The following MATN2 variants were observed in gnomAD, a reference collection of about 807,000 sequenced individuals.
The protein encoded by MATN2 is matrilin-2.
A neutral mutation model predicts 103.2 loss-of-function variants in MATN2; 69 were observed. That is an observed-to-expected ratio of 0.67 (90% CI 0.55 to 0.82). The LOEUF is 0.82. Among genes scored for constraint, MATN2 ranks in the 40% least tolerant of loss-of-function variants. The pLI, the probability that MATN2 is intolerant of heterozygous loss-of-function variation, is 0.00. For missense variants in MATN2, 1,023 were observed against 1,211.5 expected (o/e 0.84, Z 2.31); for synonymous variants, 429 against 450.2 (o/e 0.95, Z 0.60).
chr8:97,939,942 AATGTATATAGGATGAACCTACAG>A (rs988073823), intron 3 of MATN2, among the ~76,000 whole-genome samples: 26 of 152,322 alleles, frequency 1.7e-4, no homozygotes, highest in Non-Finnish European at 3.1e-4. Context: ...GGTGAAGGTC[AATGTATATAGGATGAACCTACAG>A]ATGTAAAATA....
intron 6 of MATN2, among the ~76,000 whole-genome samples, chr8:97,988,152 CA>C (rs869146483): frequency 0.013 from 845 of 65,818 alleles, 10 homozygotes; most frequent in Non-Finnish European, 0.014. Flanking sequence ...CCATCTCCAC[CA>C]AAAAAAAAAA....
intron 2 of MATN2, among the ~76,000 whole-genome samples, chr8:97,909,729 C>T (rs940039813): frequency 4.6e-5 from 7 of 151,356 alleles, no homozygotes; most frequent in Non-Finnish European, 8.8e-5. Context: ...ATTGAAACAG[C>T]TTAGGATTTT....
intron 2 of MATN2, among the ~76,000 whole-genome samples, chr8:97,910,639 C>A (rs545727214): frequency 6.6e-6 from 1 of 152,316 alleles, no homozygotes; most frequent in East Asian, 1.9e-4. Context: ...TAAAGGCATG[C>A]AGGTTGTACT....
chr8:97,875,504 C>T (rs981420197), intron 1 of MATN2, among the ~76,000 whole-genome samples: 2 of 151,114 alleles, frequency 1.3e-5, no homozygotes, highest in Non-Finnish European at 1.5e-5. Context: ...TGAGCACTCT[C>T]CACTGTCATG....
chr8:97,924,964 C>T (rs1000206783), intron 2 of MATN2, among the ~76,000 whole-genome samples: 1 of 152,238 alleles, frequency 6.6e-6, no homozygotes, highest in African/African-American at 2.4e-5. Context: ...ATCCCAGCTC[C>T]TCTACTTCCT....
At chr8:97,999,813 T>G (rs1039628933) in intron 7 of MATN2, among the ~76,000 whole-genome samples, 1 of 151,568 alleles carries the variant, frequency 6.6e-6, no homozygotes, top group Non-Finnish European at 1.5e-5. Flanking sequence ...ACTCTGGGCA[T>G]GAAGCAAGCT....
chr8:97,991,383 A>AGCTGGGACTACAGGCAGGT (rs1341716216), intron 6 of MATN2, among the ~76,000 whole-genome samples: 1 of 152,184 alleles, frequency 6.6e-6, no homozygotes, highest in Non-Finnish European at 1.5e-5. Flanking sequence ...CCTCCCTAGT[A>AGCTGGGACTACAGGCAGGT]GCTGGGACTA....
chr8:97,974,879 G>A (rs980591435), intron 5 of MATN2, among the ~76,000 whole-genome samples: 1 of 152,226 alleles, frequency 6.6e-6, no homozygotes, highest in African/African-American at 2.4e-5. Flanking sequence ...CACCTGGAGG[G>A]CTTGCTCAAA....
At chr8:97,965,564 T>A (rs1811452081) in intron 5 of MATN2, among the ~76,000 whole-genome samples, 1 of 152,224 alleles carries the variant, frequency 6.6e-6, no homozygotes, top group Admixed American at 6.5e-5. Flanking sequence ...CCAGGTACCG[T>A]GGCACATGTC....
chr8:97,956,618 G>A (rs1391726377), intron 4 of MATN2, among the ~76,000 whole-genome samples: 1 of 152,162 alleles, frequency 6.6e-6, no homozygotes, highest in African/African-American at 2.4e-5. Context: ...AAACTGACAT[G>A]TCACACTGGT....
chr8:97,883,715 C>T (rs1467494142), intron 1 of MATN2, among the ~76,000 whole-genome samples: 5 of 152,104 alleles, frequency 3.3e-5, no homozygotes, highest in South Asian at 2.1e-4. Flanking sequence ...CCACCACACC[C>T]GGCTAATTTT....
chr8:97,906,953 C>A (rs945456451), intron 2 of MATN2, among the ~76,000 whole-genome samples: 2 of 151,234 alleles, frequency 1.3e-5, no homozygotes, highest in Admixed American at 6.6e-5. Flanking sequence ...GCTCCTGAAC[C>A]TTTCCACACT....
chr8:97,898,557 A>G (rs899323079), intron 2 of MATN2, among the ~76,000 whole-genome samples: 1 of 151,016 alleles, frequency 6.6e-6, no homozygotes, highest in Non-Finnish European at 1.5e-5. Flanking sequence ...AGATCACACC[A>G]CTACACTCCA....
intron 2 of MATN2, among the ~76,000 whole-genome samples, chr8:97,901,710 G>A (rs1818989650): frequency 6.6e-6 from 1 of 152,210 alleles, no homozygotes; most frequent in East Asian, 1.9e-4. Context: ...CACCAGTCAG[G>A]CTTTAGGGTT....
intron 4 of MATN2, among the ~76,000 whole-genome samples, 200 bp from the exon 5 acceptor site, chr8:97,961,208 T>C (rs928669286): frequency 6.6e-6 from 1 of 152,138 alleles, no homozygotes; most frequent in Non-Finnish European, 1.5e-5. Context: ...GGATTACAGA[T>C]GGGGGGATTA....
At position 97,931,505 on chromosome 8, in the gene MATN2, T is replaced by C. The variant is rs761749549; in HGVS notation, c.695T>C (p.Phe232Ser). ...CAGATTGAGACGCTGACCTCCGTGT[T>C]CCAGAAGAAGTTGTGCAGTAAGTCC... ...FSQIETLTSV[F>S]QKKLCTAHMC... is the part of the protein sequence containing the mutation. The change falls in exon 3 of 19, where the codon TTC (phenylalanine) becomes TCC (serine). Residue 232 changes from phenylalanine (F) to serine (S), a missense_variant. Transcript: ENST00000254898. This position sits in a 1 kb window ranked among gnomAD's most constrained non-coding sequence, Gnocchi z 4.1. 1 of 1,608,232 alleles carries C rather than the reference T, an allele frequency of 6.2e-7. No homozygotes were observed. The highest frequency in any genetic ancestry group is 1.1e-5 in the South Asian group (1 of 90,266).
At chr8:98,030,156 T>C (rs1330972028) in intron 14 of MATN2, among the ~76,000 whole-genome samples, 1 of 152,218 alleles carries the variant, frequency 6.6e-6, no homozygotes, top group Non-Finnish European at 1.5e-5. Flanking sequence ...GGCTCATTTC[T>C]ATGAATCCAG....
At chr8:97,962,097 G>A (rs375660237) in intron 5 of MATN2, among the ~76,000 whole-genome samples, 3 of 152,230 alleles carry the variant, frequency 2.0e-5, no homozygotes, top group East Asian at 3.8e-4. Context: ...CTCAAGGGCA[G>A]TGCTTGATGC....
chr8:97,961,650 G>T, intron 5 of MATN2, 120 bp downstream of exon 5: 2 of 1,185,168 alleles, frequency 1.7e-6, no homozygotes, highest in South Asian at 2.0e-5. Flanking sequence ...TCCACAAAGT[G>T]CTCAGTTGTT....
Sources: gnomAD v4.1 joint callset for allele counts (sites outside exome capture counted in the v4.1 genomes callset) on GRCh38, gnomAD v4.1.1 for gene constraint, Gnocchi (gnomAD v3.1) non-coding constraint, MANE v1.5 for transcripts, NCBI Gene and HGNC (gene_info 2026-07-23, HGNC 2026-07-21) for gene names.